Variants in UBR3 observed in about 807,000 individuals in gnomAD.
UBR3 encodes the protein ubiquitin protein ligase E3 component n-recognin 3, also known as E3 ubiquitin-protein ligase UBR3.
Under a neutral mutation model 243.2 loss-of-function variants are expected in UBR3, and 85 were observed. The observed-to-expected ratio is 0.35, with a 90% CI of 0.29 to 0.42. The LOEUF (loss-of-function observed/expected upper bound fraction) is 0.42. Among genes scored for constraint, UBR3 ranks in the 10% least tolerant of loss-of-function variants. The pLI is 1.00. For synonymous variants in UBR3, 748 were observed against 799.8 expected, an observed-to-expected ratio of 0.94 and a Z score of 1.09; for missense variants, 1,686 against 2,300.8, an observed-to-expected ratio of 0.73 and a Z score of 5.47.
chr2:170,033,102 C>CT (rs2090723713), intron 31 of UBR3, among the ~76,000 whole-genome samples: 2 of 152,114 alleles, frequency 1.3e-5, no homozygotes, highest in South Asian at 4.2e-4. Flanking sequence ...ACACACAGCT[C>CT]TTTAAGTCTA....
intron 26 of UBR3, among the ~76,000 whole-genome samples, chr2:169,997,032 A>T (rs2105396632): frequency 6.6e-6 from 1 of 152,026 alleles, no homozygotes; most frequent in East Asian, 1.9e-4. Flanking sequence ...GGATACATAT[A>T]TTACTTTATT....
chr2:170,054,512 G>A (rs559853566), intron 32 of UBR3, among the ~76,000 whole-genome samples: 1 of 152,104 alleles, frequency 6.6e-6, no homozygotes, highest in African/African-American at 2.4e-5. Context: ...TCAAACTCCT[G>A]ACCTTGTGAT....
chr2:169,986,080 G>T, intron 24 of UBR3, among the ~76,000 whole-genome samples: 1 of 151,990 alleles, frequency 6.6e-6, no homozygotes, highest in South Asian at 2.1e-4. Flanking sequence ...TTTTTGATGA[G>T]TTCTGCTTTA....
At chr2:169,910,888 A>G (rs1043939777) in intron 10 of UBR3, among the ~76,000 whole-genome samples, 30 of 152,290 alleles carry the variant, frequency 2.0e-4, no homozygotes, top group Admixed American at 1.1e-3. Context: ...TAAAGCCAGA[A>G]TTTCCAAAGC....
rs2083199086 is a variant in UBR3, at chr2:169,864,804, G to A, written c.546-7432G>A. ...TGCCTGTAGTCCCAGCTACTCGGAA[G>A]GCTGAGGCAGGAGAATGGCTTGAAC... On this transcript the variant is annotated intron_variant, in intron 1 of 38. Coordinates refer to ENST00000272793, the MANE Select transcript of UBR3 (RefSeq NM_172070.4). Among the ~76,000 whole-genome samples the A allele has an allele frequency of 3.3e-5, 5 of 151,990 alleles. No individual in the cohort carries two copies. In the South Asian group the frequency reaches 1.0e-3, roughly 32 times the overall value.
At chr2:170,031,666 C>T (rs1346487641) in intron 31 of UBR3, among the ~76,000 whole-genome samples, 1 of 151,844 alleles carries the variant, frequency 6.6e-6, no homozygotes, top group Non-Finnish European at 1.5e-5. Flanking sequence ...GTTTTTCAAC[C>T]CTTGCTCCCC....
intron 7 of UBR3, 91 bp from the exon 8 acceptor site, chr2:169,896,416 G>C: frequency 1.3e-6 from 1 of 741,978 alleles, no homozygotes; most frequent in Non-Finnish European, 2.0e-6. Context: ...ATTAGTAATA[G>C]CTGTAAAATG....
intron 20 of UBR3, among the ~76,000 whole-genome samples, chr2:169,942,838 CTATT>C (rs1161684781): frequency 6.6e-6 from 1 of 152,138 alleles, no homozygotes; most frequent in East Asian, 1.9e-4. Flanking sequence ...TTGTGAGAAA[CTATT>C]TATCTTATCT....
intron 24 of UBR3, among the ~76,000 whole-genome samples, chr2:169,967,118 A>G (rs143875589): frequency 0.014 from 2,147 of 152,298 alleles, 22 homozygotes; most frequent in Non-Finnish European, 0.021. Context: ...GCTTAGAGAG[A>G]TTAAGTAAAT....
chr2:169,872,206 C>T (rs1361085207), intron 1 of UBR3, 30 bp from the exon 2 acceptor site: 2 of 1,418,922 alleles, frequency 1.4e-6, no homozygotes, highest in Non-Finnish European at 9.5e-7. Flanking sequence ...TTAGACATTA[C>T]TGTTAATTTT....
At chr2:169,852,662 G>T (rs902961468) in intron 1 of UBR3, among the ~76,000 whole-genome samples, 2 of 150,110 alleles carry the variant, frequency 1.3e-5, no homozygotes, top group African/African-American at 2.5e-5. Context: ...GACCAACGGG[G>T]TGAAGCCCTG....
At chr2:170,071,468 G>A (rs1006460739) in intron 35 of UBR3, among the ~76,000 whole-genome samples, 1 of 152,088 alleles carries the variant, frequency 6.6e-6, no homozygotes, top group Non-Finnish European at 1.5e-5. Context: ...GGCCAGGATT[G>A]GCTGCATAGG....
chr2:169,857,070 T>TTTTG lies in UBR3; in HGVS notation c.546-15163_546-15162insGTTT, dbSNP rs2082906795. Among the ~76,000 whole-genome samples the TTTTG allele has an allele frequency of 2.2e-5, 2 of 89,222 alleles. 1 individual carries two copies. Among genetic ancestry groups the TTTTG allele is most frequent in the Non-Finnish European group, 4.4e-5 (2 of 45,790 alleles). 58.5% of individuals were successfully genotyped at this position (89,222 alleles called of 152,430 possible). ...TCCAGCATAATTTTATTATGTTTTT[T>TTTTG]TTTTTTTTTTTTTTTTTTTTTGAGA... On this transcript the variant is annotated intron_variant, in intron 1 of 38. Transcript: ENST00000272793.
chr2:169,925,714 T>C lies in UBR3; in HGVS notation c.2118T>C (p.Asn706=), dbSNP rs1466907917. 2 of 1,550,434 alleles carry C rather than the reference T, an allele frequency of 1.3e-6. No individual in the cohort carries two copies. Among genetic ancestry groups the C allele is most frequent in the East Asian group, 4.9e-5 (2 of 40,852 alleles). ...AMTYVQSHFC[N]SMIDPDIYLL... is the part of the protein sequence containing the mutation. Reference sequence around the variant, plus strand: ...CGTATGTCCAGTCTCATTTCTGTAATTCCATGATTGATCCTGACATTTACC... The same window carrying C: ...CGTATGTCCAGTCTCATTTCTGTAACTCCATGATTGATCCTGACATTTACC... The change falls in exon 14 of 39, where the codon AAT becomes AAC. Residue 706 remains asparagine (N), a synonymous_variant. Coordinates refer to ENST00000272793, the MANE Select transcript of UBR3 (RefSeq NM_172070.4).
At chr2:169,998,846 G>A (rs1206327434) in intron 26 of UBR3, among the ~76,000 whole-genome samples, 1 of 152,194 alleles carries the variant, frequency 6.6e-6, no homozygotes, top group Non-Finnish European at 1.5e-5. Flanking sequence ...TGTGGAGTCA[G>A]ACAGACTTGG....
At chr2:169,949,538 A>G (rs1364868490) in intron 22 of UBR3, 67 bp from the exon 23 acceptor site, 5 of 1,334,638 alleles carry the variant, frequency 3.7e-6, no homozygotes, top group Non-Finnish European at 4.0e-6. Flanking sequence ...TATAGTACTA[A>G]TATGTTTTTA....
chr2:169,995,304 C>T (rs1033600857), intron 26 of UBR3, among the ~76,000 whole-genome samples: 1 of 152,158 alleles, frequency 6.6e-6, no homozygotes, highest in Non-Finnish European at 1.5e-5. Flanking sequence ...ATCACCACTA[C>T]TACTGACAGC....
chr2:169,912,115 A>G lies in UBR3; in HGVS notation c.1780-1945A>G, dbSNP rs549428614. Among the ~76,000 whole-genome samples, 26 of 152,320 alleles carry G rather than the reference A, an allele frequency of 1.7e-4. 1 individual carries two copies. In the Middle Eastern group the frequency reaches 0.01, roughly 60 times the overall value. On this transcript the variant is annotated intron_variant, in intron 10 of 38. Coordinates refer to ENST00000272793, the MANE Select transcript of UBR3 (RefSeq NM_172070.4). ...TTCAGCTTTTTAAAAAGGCATATTTATATAATTTACATAGGTAGCTGATGA... is the reference window on the plus strand; with the variant it reads ...TTCAGCTTTTTAAAAAGGCATATTTGTATAATTTACATAGGTAGCTGATGA...
In UBR3 at chr2:169,877,570, T is replaced by C; in HGVS notation, c.921T>C (p.Tyr307=). 6.5e-7 allele frequency: 1 copy of C among 1,549,928 alleles called. No homozygotes were observed. The highest frequency in any genetic ancestry group is 8.7e-7 in the Non-Finnish European group (1 of 1,146,620). The part of the protein sequence containing the change: ...LIALKSSGLT[Y]PEDKLVYGVQ... The stretch of plus-strand genomic sequence containing the variant: ...CTTTAAAGAGCTCTGGACTTACATA[T>C]CCTGAGGATAAGCTTGTATATGGTG... The change falls in exon 4 of 39, where the codon TAT becomes TAC. Residue 307 remains tyrosine (Y), a synonymous_variant. Transcript: ENST00000272793.
Sources: gnomAD v4.1 joint callset for allele counts (sites outside exome capture counted in the v4.1 genomes callset) on GRCh38, gnomAD v4.1.1 for gene constraint, MANE v1.5 for transcripts, NCBI Gene and HGNC (gene_info 2026-07-23, HGNC 2026-07-21) for gene names.